The following RAI14 variants were observed in gnomAD, a reference collection of about 807,000 sequenced individuals.
RAI14 encodes retinoic acid induced 14, also known as ankycorbin.
RAI14 carries 45 observed loss-of-function variants against 115.4 expected under a neutral mutation model. That is an observed-to-expected ratio of 0.39 (90% CI 0.31 to 0.50). The LOEUF (loss-of-function observed/expected upper bound fraction) is 0.50, where lower values mean the gene tolerates loss of function less well. Ranked by LOEUF, RAI14 falls within the 20% of genes least tolerant of loss-of-function variation. The pLI is 0.85. For missense variants in RAI14, 939 were observed against 1,131.2 expected (o/e 0.83, Z 2.44); for synonymous variants, 371 against 415.4 (o/e 0.89, Z 1.30).
chr5:34,709,528 G>A (rs1315775404), intron 2 of RAI14, among the ~76,000 whole-genome samples: 2 of 152,150 alleles, frequency 1.3e-5, no homozygotes, highest in South Asian at 2.1e-4. Context: ...CACAAGATGG[G>A]TTTTCCTAGT....
intron 1 of RAI14, among the ~76,000 whole-genome samples, chr5:34,662,553 A>G (rs1344249844): frequency 1.3e-5 from 2 of 152,064 alleles, no homozygotes; most frequent in African/African-American, 2.4e-5. Flanking sequence ...TTAAAACATT[A>G]CTAGAATACT....
At position 34,751,576 on chromosome 5, in the gene RAI14, T is replaced by G. The variant is rs79444396; in HGVS notation, c.37-5892T>G. ...CTTGCTTCTTTCAACAGTACTGTTT[T>G]TAATACCCATCTGTGCTGTTGTACC... On this transcript the variant is annotated intron_variant, in intron 2 of 17. Coordinates refer to ENST00000265109, the MANE Select transcript of RAI14 (RefSeq NM_015577.3). Among the ~76,000 whole-genome samples the G allele has an allele frequency of 1.1e-4, 16 of 152,370 alleles. No homozygotes were observed. The East Asian group carries it at 3.1e-3, about 29-fold the overall frequency.
At chr5:34,734,199 C>T (rs958193914) in intron 2 of RAI14, among the ~76,000 whole-genome samples, 8 of 152,188 alleles carry the variant, frequency 5.3e-5, no homozygotes, top group Non-Finnish European at 8.8e-5. Context: ...TGTGTGATTC[C>T]GTTGATGACC....
chr5:34,820,619 A>G (rs1235247523), intron 13 of RAI14, among the ~76,000 whole-genome samples: 1 of 152,186 alleles, frequency 6.6e-6, no homozygotes, highest in East Asian at 1.9e-4. Context: ...CTCAAAAAGT[A>G]ATAATAATAT....
intron 2 of RAI14, among the ~76,000 whole-genome samples, chr5:34,711,697 A>G (rs563000973): frequency 6.6e-6 from 1 of 152,276 alleles, no homozygotes; most frequent in African/African-American, 2.4e-5. Flanking sequence ...ACAGCTGTCT[A>G]TGAACCAGGA....
At chr5:34,683,882 C>G (rs1244540521) in intron 1 of RAI14, among the ~76,000 whole-genome samples, 2 of 152,316 alleles carry the variant, frequency 1.3e-5, no homozygotes, top group East Asian at 3.9e-4. Context: ...CGCCCGCCAT[C>G]ACGCCCGGCT....
intron 1 of RAI14, 123 bp from the exon 2 acceptor site, chr5:34,686,749 G>A (rs1744930018): frequency 6.1e-6 from 3 of 491,614 alleles, no homozygotes; most frequent in Non-Finnish European, 1.1e-5. Context: ...CTCCTCAGCT[G>A]TTAACTGACC....
chr5:34,760,165 C>T lies in RAI14; in HGVS notation c.167+2567C>T, dbSNP rs544917867. On this transcript the variant is annotated intron_variant, in intron 3 of 17. Coordinates refer to ENST00000265109, the MANE Select transcript of RAI14 (RefSeq NM_015577.3). ...CTGGGTTCAAGCTATTCTCGTGCCT[C>T]AGCCTCCCGAGTAGCTGGGACTACA... Among the ~76,000 whole-genome samples, 91 of 152,248 alleles carry T rather than the reference C, an allele frequency of 6.0e-4. 1 individual carries two copies. The highest frequency in any genetic ancestry group is 3.5e-3 in the Admixed American group (53 of 15,296).
chr5:34,794,150 T>G (rs1753236322), intron 3 of RAI14, among the ~76,000 whole-genome samples: 1 of 152,194 alleles, frequency 6.6e-6, no homozygotes, highest in Admixed American at 6.5e-5. Context: ...TGGCCAGGCA[T>G]GGTGGCTCAT....
chr5:34,735,459 C>G (rs888004780), intron 2 of RAI14, among the ~76,000 whole-genome samples: 7 of 152,108 alleles, frequency 4.6e-5, no homozygotes, highest in Non-Finnish European at 7.4e-5. Context: ...GTGTTAAAGT[C>G]TCTGTACGTA....
chr5:34,681,689 G>A (rs1157629187), intron 1 of RAI14, among the ~76,000 whole-genome samples: 1 of 151,512 alleles, frequency 6.6e-6, no homozygotes, highest in Non-Finnish European at 1.5e-5. Context: ...TGTAGAGACT[G>A]GGTCTCGCTC....
At chr5:34,699,392 G>A (rs1338593876) in intron 2 of RAI14, among the ~76,000 whole-genome samples, 1 of 152,164 alleles carries the variant, frequency 6.6e-6, no homozygotes, top group Non-Finnish European at 1.5e-5. Flanking sequence ...GGAAGAATCA[G>A]CCGTGTCTCT....
chr5:34,738,010 G>A (rs536878739), intron 2 of RAI14, among the ~76,000 whole-genome samples: 1 of 152,230 alleles, frequency 6.6e-6, no homozygotes, highest in Non-Finnish European at 1.5e-5. Context: ...CTCTTCTTTT[G>A]GACTGCTAAA....
chr5:34,789,157 C>T (rs1373586180), intron 3 of RAI14, among the ~76,000 whole-genome samples: 1 of 152,124 alleles, frequency 6.6e-6, no homozygotes, highest in Non-Finnish European at 1.5e-5. Flanking sequence ...CCATCTGCTT[C>T]CTAAGCCTGA....
chr5:34,693,815 A>G (rs115516293), intron 2 of RAI14, among the ~76,000 whole-genome samples: 8,090 of 152,308 alleles, frequency 0.053, 696 homozygotes, highest in African/African-American at 0.18. Flanking sequence ...CTAAGCTTAA[A>G]TAAGACCTCC....
chr5:34,741,088 A>G (rs1176260769), intron 2 of RAI14, among the ~76,000 whole-genome samples: 2 of 152,230 alleles, frequency 1.3e-5, no homozygotes, highest in Admixed American at 6.5e-5. Flanking sequence ...AATGACAATA[A>G]TGAGTTTGGA....
rs1346939052 is a variant in RAI14, at chr5:34,824,274, T to TGAAAGA, written c.2442_2447dup (p.Glu815_Lys816dup). 1.2e-6 allele frequency: 2 copies of TGAAAGA among 1,613,984 alleles called. No homozygotes were observed. Among genetic ancestry groups the TGAAAGA allele is most frequent in the Non-Finnish European group, 1.7e-6 (2 of 1,180,010 alleles). ...TTGGCATCGAAATTAAAGGAATCTG[T>TGAAAGA]GAAAGAGAAAGAGAAGGTCCATTCA... On this transcript the variant is annotated inframe_insertion, in exon 15 of 18. Transcript: ENST00000265109.
At chr5:34,713,007 T>C (rs116594898) in intron 2 of RAI14, among the ~76,000 whole-genome samples, 1,699 of 152,188 alleles carry the variant, frequency 0.011, 26 homozygotes, top group African/African-American at 0.036. Context: ...AGAGCATACA[T>C]AAAATGAGAC....
At chr5:34,812,155 C>CT in intron 9 of RAI14, 25 bp from the exon 10 acceptor site, 2 of 1,554,810 alleles carry the variant, frequency 1.3e-6, no homozygotes, top group South Asian at 2.3e-5. Flanking sequence ...TCTTATAGTT[C>CT]TTTTTTTCAC....
Sources: allele counts gnomAD v4.1 joint callset (sites outside exome capture counted in the v4.1 genomes callset), GRCh38; gene constraint gnomAD v4.1.1; transcripts MANE v1.5; gene names NCBI Gene and HGNC (gene_info 2026-07-23, HGNC 2026-07-21).